CHP1: variants seen among roughly 807,000 people sequenced by gnomAD.
CHP1 encodes the protein calcineurin like EF-hand protein 1, also known as calcineurin B homologous protein 1.
A neutral mutation model predicts 27.4 loss-of-function variants in CHP1; 11 were observed. That is an observed-to-expected ratio of 0.40 (90% CI 0.25 to 0.67). The LOEUF is 0.67. Ranked by LOEUF, CHP1 falls within the 30% of genes least tolerant of loss-of-function variation. The pLI is 0.38. For synonymous variants in CHP1, 89 were observed against 87.4 expected (o/e 1.02, Z -0.10); for missense variants, 169 against 251.3 (o/e 0.67, Z 2.22).
rs888391465 is a variant in CHP1 at position 41,280,933 on chromosome 15, A to T, written c.*1544A>T. On this transcript the variant is annotated 3_prime_UTR_variant, in exon 7 of 7. Coordinates refer to ENST00000334660, the MANE Select transcript of CHP1 (RefSeq NM_007236.5). ...GAGTGCAGTGGCGTGATCTTGGCTC[A>T]CTGCAACCTCTGCCTCCTGGGTTCA... 6.6e-6 allele frequency: 1 copy of T among 151,852 alleles called. No homozygotes were observed. The highest frequency in any genetic ancestry group is 1.5e-5 in the Non-Finnish European group (1 of 68,072). The allele number at this position is 151,852 out of a possible 1,614,324, so 9.4% of individuals were successfully genotyped here.
intron 3 of CHP1, among the ~76,000 whole-genome samples, chr15:41,258,371 A>G (rs1208348222): frequency 6.6e-6 from 1 of 152,170 alleles, no homozygotes; most frequent in East Asian, 1.9e-4. Context: ...ACTCTGTTTT[A>G]TTAACATATT....
intron 4 of CHP1, among the ~76,000 whole-genome samples, chr15:41,266,146 G>T (rs2140938970): frequency 6.6e-6 from 1 of 152,202 alleles, no homozygotes; most frequent in Non-Finnish European, 1.5e-5. Flanking sequence ...AGCCAGGCAT[G>T]GTGGTGCATG....
intron 2 of CHP1, among the ~76,000 whole-genome samples, chr15:41,244,060 T>C (rs1483978034): frequency 6.6e-6 from 1 of 151,870 alleles, no homozygotes; most frequent in Non-Finnish European, 1.5e-5. Flanking sequence ...TAGCTCAGTG[T>C]GGTGGTAGGC....
chr15:41,271,080 C>T (rs1460810348), intron 5 of CHP1, among the ~76,000 whole-genome samples: 3 of 151,912 alleles, frequency 2.0e-5, no homozygotes, highest in Non-Finnish European at 4.4e-5. Context: ...ATGGTGAAAC[C>T]CTGTCTCTAC....
At chr15:41,255,787 C>T (rs1258297890) in intron 2 of CHP1, among the ~76,000 whole-genome samples, 3 of 149,616 alleles carry the variant, frequency 2.0e-5, no homozygotes, top group East Asian at 4.0e-4. Flanking sequence ...AGGCCGAGGC[C>T]GGCAGATCAC....
At chr15:41,270,484 T>G in intron 4 of CHP1, 73 bp from the exon 5 acceptor site, 1 of 1,109,938 alleles carries the variant, frequency 9.0e-7, no homozygotes, top group Admixed American at 1.8e-5. Context: ...GTCTAGTGTC[T>G]TATATATTTA....
intron 3 of CHP1, among the ~76,000 whole-genome samples, chr15:41,259,695 A>G (rs1243348119): frequency 6.6e-6 from 1 of 152,174 alleles, no homozygotes; most frequent in African/African-American, 2.4e-5. Flanking sequence ...ATTTTTGACC[A>G]GATACTGGTC....
chr15:41,240,849 A>G (rs1351860799), intron 1 of CHP1, among the ~76,000 whole-genome samples: 2 of 146,140 alleles, frequency 1.4e-5, no homozygotes, highest in African/African-American at 2.6e-5. Flanking sequence ...CTTTTGGGAA[A>G]CTTAGTAATT....
chr15:41,275,258 A>G (rs966585779), intron 5 of CHP1, among the ~76,000 whole-genome samples: 2 of 151,844 alleles, frequency 1.3e-5, no homozygotes, highest in Admixed American at 6.6e-5. Flanking sequence ...TCTGGGTTCA[A>G]GCGATTCTGC....
intron 1 of CHP1, among the ~76,000 whole-genome samples, chr15:41,241,773 C>T (rs937086380): frequency 1.3e-5 from 2 of 152,226 alleles, no homozygotes; most frequent in Admixed American, 1.3e-4. Flanking sequence ...CACTCACTAC[C>T]TGCTTGTCCC....
In CHP1 at chr15:41,270,540, G is replaced by C. The variant is rs1206264435; in HGVS notation, c.350-17G>C. The stretch of plus-strand genomic sequence containing the variant: ...ACACTACAGAATTTTGACTAACTTT[G>C]TGTTTTTCCCTTACAGTTGCTTTTC... On this transcript the variant is annotated splice_polypyrimidine_tract_variant and intron_variant, in intron 4 of 6. Transcript: ENST00000334660. 3 of 1,607,012 alleles carry C rather than the reference G, an allele frequency of 1.9e-6. No homozygotes were observed. Among genetic ancestry groups the C allele is most frequent in the African/African-American group, 2.7e-5 (2 of 74,742 alleles).
chr15:41,248,113 A>G (rs1204909942), intron 2 of CHP1, among the ~76,000 whole-genome samples: 3 of 152,042 alleles, frequency 2.0e-5, no homozygotes, highest in Non-Finnish European at 4.4e-5. Flanking sequence ...CTGACTATCT[A>G]TGATGTGCCA....
Position 41,281,125 on chromosome 15 carries a change from C to G in CHP1, c.*1736C>G, listed in dbSNP as rs1416221702. The G allele has an allele frequency of 1.3e-5, 2 of 152,212 alleles. No individual in the cohort carries two copies. Among genetic ancestry groups the G allele is most frequent in the East Asian group, 3.8e-4 (2 of 5,202 alleles). 9.4% of individuals were successfully genotyped at this position (152,212 alleles called of 1,614,324 possible). A position where few individuals can be genotyped will look rare whatever the true frequency, so the allele number is the denominator to read the frequency against. ...CCTCCTGCCTCGGCCTCCCAAAGTG[C>G]TGGGATTACAGGCATGAGCCACCGT... On this transcript the variant is annotated 3_prime_UTR_variant, in exon 7 of 7. Coordinates refer to ENST00000334660, the MANE Select transcript of CHP1 (RefSeq NM_007236.5).
chr15:41,241,208 A>T (rs1028174781), intron 1 of CHP1, among the ~76,000 whole-genome samples: 2 of 152,236 alleles, frequency 1.3e-5, no homozygotes, highest in South Asian at 4.1e-4. Context: ...GAACTTTAGT[A>T]CAAGAATAGC....
chr15:41,271,016 A>T (rs8029873), intron 5 of CHP1, among the ~76,000 whole-genome samples: 1 of 151,566 alleles, frequency 6.6e-6, no homozygotes, highest in African/African-American at 2.4e-5. Flanking sequence ...AGCACTTTGG[A>T]AGGCCGAGGC....
At chr15:41,265,501 G>C (rs1296717550) in intron 4 of CHP1, among the ~76,000 whole-genome samples, 1 of 151,408 alleles carries the variant, frequency 6.6e-6, no homozygotes, top group Non-Finnish European at 1.5e-5. Flanking sequence ...CTTGAGATCA[G>C]GGGTTCAAGA....
intron 1 of CHP1, among the ~76,000 whole-genome samples, chr15:41,233,868 C>CCTG (rs1251228005): frequency 2.6e-5 from 4 of 152,126 alleles, no homozygotes; most frequent in Non-Finnish European, 5.9e-5. Context: ...TCCCCCTAAG[C>CCTG]CTGCTACAAA....
intron 5 of CHP1, among the ~76,000 whole-genome samples, chr15:41,277,259 C>T (rs552509249): frequency 2.2e-4 from 33 of 152,294 alleles, no homozygotes; most frequent in Middle Eastern, 3.4e-3. Flanking sequence ...TGTGGTGTGG[C>T]CTATTGTTCC....
intron 4 of CHP1, among the ~76,000 whole-genome samples, chr15:41,265,732 G>A (rs2047456963): frequency 4.6e-5 from 7 of 151,604 alleles, no homozygotes; most frequent in Admixed American, 3.9e-4. Context: ...AAAGAAATGT[G>A]GGTTTACAGA....
Sources: allele counts gnomAD v4.1 joint callset (sites outside exome capture counted in the v4.1 genomes callset), GRCh38; gene constraint gnomAD v4.1.1; transcripts MANE v1.5; gene names NCBI Gene and HGNC (gene_info 2026-07-23, HGNC 2026-07-21).